GRAMD1C: variants seen among roughly 807,000 people sequenced by gnomAD.
GRAMD1C encodes the protein protein Aster-C.
A neutral mutation model predicts 97.8 loss-of-function variants in GRAMD1C; 89 were observed. The observed-to-expected ratio is 0.91, with a 90% CI of 0.77 to 1.09. The LOEUF is 1.09. Ranked by LOEUF, GRAMD1C falls within the 50% of genes least tolerant of loss-of-function variation. The probability of loss-of-function intolerance (pLI) is 0.00; values close to 1 mark genes in which losing one functional copy is unlikely to be tolerated. For synonymous variants in GRAMD1C, 256 were observed against 267.0 expected, an observed-to-expected ratio of 0.96 and a Z score of 0.40; for missense variants, 740 against 766.4, an observed-to-expected ratio of 0.97 and a Z score of 0.41.
upstream of GRAMD1C, among the ~76,000 whole-genome samples, chr3:113,837,655 A>T (rs1709658402): frequency 6.6e-6 from 1 of 151,938 alleles, no homozygotes. Context: ...GGGAGGCCGA[A>T]GGGGGCAGAC....
chr3:113,901,068 A>G lies in GRAMD1C; in HGVS notation c.578A>G (p.Gln193Arg). Reference sequence around the variant, plus strand: ...CAGGAATTCTGGCAACTGCTCCAGCAGAACTATGGCACTGAGCTAGGTTTA... The same window carrying G: ...CAGGAATTCTGGCAACTGCTCCAGCGGAACTATGGCACTGAGCTAGGTTTA... ...TRQEFWQLLQ[Q>R]NYGTELGLNA... Residue 193 changes from glutamine (Q) to arginine (R), a missense_variant, in exon 7 of 18, where the codon CAG becomes CGG. By Grantham distance (43) the Gln-to-Arg change is conservative (BLOSUM62 1). Transcript: ENST00000358160. 6.2e-7 allele frequency: 1 copy of G among 1,610,524 alleles called. No homozygotes were observed. The highest frequency in any genetic ancestry group is 8.5e-7 in the Non-Finnish European group (1 of 1,176,822).
At chr3:113,845,125 C>T (rs1292465752) in intron 2 of GRAMD1C, among the ~76,000 whole-genome samples, 2 of 152,174 alleles carry the variant, frequency 1.3e-5, no homozygotes, top group African/African-American at 2.4e-5. Context: ...TGTGTTCATT[C>T]GGTTGTGTAA....
intron 2 of GRAMD1C, 104 bp downstream of exon 2, chr3:113,844,753 AT>A: frequency 1.3e-6 from 1 of 771,064 alleles, no homozygotes; most frequent in African/African-American, 1.8e-5. Context: ...TAGCTTCTAG[AT>A]TTTAGATGTT....
chr3:113,926,633 T>C (rs1937237858), intron 10 of GRAMD1C, among the ~76,000 whole-genome samples: 1 of 152,208 alleles, frequency 6.6e-6, no homozygotes, highest in Non-Finnish European at 1.5e-5. Flanking sequence ...CTCATCTGTA[T>C]GGACTGATGT....
intron 9 of GRAMD1C, among the ~76,000 whole-genome samples, chr3:113,912,652 G>A (rs1218234252): frequency 2.6e-5 from 4 of 151,780 alleles, no homozygotes; most frequent in Non-Finnish European, 2.9e-5. Context: ...AGCATCACTT[G>A]AGCCCCAGGA....
At chr3:113,919,576 A>C (rs918244168) in intron 10 of GRAMD1C, 1 of 572,558 alleles carries the variant, frequency 1.7e-6, no homozygotes, top group African/African-American at 1.9e-5. Flanking sequence ...AGCCATATGC[A>C]TCTGACATCG....
At chr3:113,897,643 T>C in intron 6 of GRAMD1C, 1 of 984,232 alleles carries the variant, frequency 1.0e-6, no homozygotes, top group Non-Finnish European at 1.2e-6. Flanking sequence ...TGTCATTAAA[T>C]ATTTGGAGCT....
At chr3:113,895,391 T>C (rs182983401) in intron 6 of GRAMD1C, among the ~76,000 whole-genome samples, 18 of 152,282 alleles carry the variant, frequency 1.2e-4, no homozygotes, top group Admixed American at 9.2e-4. Flanking sequence ...AACTCTAGGA[T>C]AGTGACAGCT....
Position 113,941,764 on chromosome 3 carries a change from G to A in GRAMD1C, c.1908+1419G>A, listed in dbSNP as rs571077011. 4.9e-4 allele frequency among the ~76,000 whole-genome samples: 75 copies of A among 151,996 alleles called. 1 individual carries two copies. Among genetic ancestry groups the A allele is most frequent in the Non-Finnish European group, 8.5e-4 (58 of 67,952 alleles). On this transcript the variant is annotated intron_variant, in intron 17 of 17. Coordinates refer to ENST00000358160, the MANE Select transcript of GRAMD1C (RefSeq NM_017577.5). ...CTCCTGAGTAGCTGGGATTACAGGC[G>A]CGTGCCACCATGCCTGGTTAATTTT...
chr3:113,924,688 T>C (rs1937176073), intron 10 of GRAMD1C, among the ~76,000 whole-genome samples: 1 of 152,240 alleles, frequency 6.6e-6, no homozygotes, highest in Admixed American at 6.5e-5. Flanking sequence ...AATGGCTGAT[T>C]GTGTGGTCGA....
At chr3:113,840,583 TAAAAAAA>T (rs1031608671) in intron 1 of GRAMD1C, among the ~76,000 whole-genome samples, 1 of 138,234 alleles carries the variant, frequency 7.2e-6, no homozygotes. Flanking sequence ...TCTACCAAAA[TAAAAAAA>T]AAAAAGAAAG....
intron 15 of GRAMD1C, 67 bp from the exon 16 acceptor site, chr3:113,939,819 A>C: frequency 2.5e-6 from 2 of 808,638 alleles, no homozygotes; most frequent in Non-Finnish European, 4.4e-6. Context: ...TTTTGCATGT[A>C]TATTCTGCAT....
chr3:113,932,123 A>G (rs755273837), intron 11 of GRAMD1C, among the ~76,000 whole-genome samples: 10 of 152,196 alleles, frequency 6.6e-5, no homozygotes, highest in African/African-American at 2.2e-4. Flanking sequence ...AGTGTCTTAC[A>G]GTGGAATGTG....
At chr3:113,897,676 C>T (rs1173871029) in intron 6 of GRAMD1C, 1 of 981,740 alleles carries the variant, frequency 1.0e-6, no homozygotes, top group African/African-American at 1.7e-5. Flanking sequence ...GAGATGGCAA[C>T]ATACTTAGAA....
chr3:113,885,240 G>A, intron 6 of GRAMD1C: 1 of 1,045,618 alleles, frequency 9.6e-7, no homozygotes, highest in Non-Finnish European at 1.4e-6. Flanking sequence ...TGCCCCCGGG[G>A]GGCTGGCGGA....
chr3:113,919,533 GA>G (rs1469653426), intron 10 of GRAMD1C: 14 of 551,016 alleles, frequency 2.5e-5, no homozygotes, highest in Non-Finnish European at 5.1e-5. Flanking sequence ...ACTCAGAGAA[GA>G]AGTTATGATT....
chr3:113,925,258 G>A (rs1227433770), intron 10 of GRAMD1C, among the ~76,000 whole-genome samples: 1 of 152,200 alleles, frequency 6.6e-6, no homozygotes, highest in African/African-American at 2.4e-5. Context: ...GGGAGGCCAA[G>A]GCAGGCAGAT....
chr3:113,928,709 T>G (rs988735906), intron 10 of GRAMD1C, among the ~76,000 whole-genome samples: 3 of 152,228 alleles, frequency 2.0e-5, no homozygotes, highest in African/African-American at 7.2e-5. Flanking sequence ...CTTGCATAAG[T>G]GGAATAATAC....
intron 4 of GRAMD1C, 116 bp downstream of exon 4, chr3:113,875,703 C>G (rs1338929749): frequency 1.0e-5 from 6 of 598,522 alleles, no homozygotes; most frequent in Non-Finnish European, 1.8e-5. Flanking sequence ...ATTTGTGCAT[C>G]TAAATTAGTG....
Sources: allele counts gnomAD v4.1 joint callset (sites outside exome capture counted in the v4.1 genomes callset), GRCh38; gene constraint gnomAD v4.1.1; transcripts MANE v1.5; gene names NCBI Gene and HGNC (gene_info 2026-07-23, HGNC 2026-07-21).